SLC44A1: variants seen among roughly 807,000 people sequenced by gnomAD.
The protein encoded by SLC44A1 is choline transporter-like protein 1.
SLC44A1 carries 26 observed loss-of-function variants against 79.3 expected under a neutral mutation model. The ratio of observed to expected loss-of-function variants is 0.33; its 90% CI spans 0.24 to 0.46. SLC44A1 has a LOEUF of 0.46. Among genes scored for constraint, SLC44A1 ranks in the 20% least tolerant of loss-of-function variants. SLC44A1 has a pLI of 1.00. For synonymous variants in SLC44A1, 263 were observed against 286.2 expected (o/e 0.92, Z 0.82); for missense variants, 688 against 798.1 (o/e 0.86, Z 1.66).
intron 4 of SLC44A1, among the ~76,000 whole-genome samples, chr9:105,342,236 A>G (rs895209893): frequency 1.1e-4 from 16 of 152,208 alleles, no homozygotes; most frequent in Admixed American, 2.0e-4. Context: ...TAAGTTTTAC[A>G]TTGTGCACTT....
intron 13 of SLC44A1, among the ~76,000 whole-genome samples, chr9:105,380,750 G>A (rs2131459343): frequency 6.6e-6 from 1 of 152,180 alleles, no homozygotes; most frequent in East Asian, 1.9e-4. Flanking sequence ...ATCCACCATG[G>A]AGATCACTGA....
chr9:105,390,103 G>A lies in SLC44A1; in HGVS notation c.*1047G>A, dbSNP rs1433604857. The A allele has an allele frequency of 1.6e-6, 2 of 1,257,568 alleles. No homozygotes were observed. The highest frequency in any genetic ancestry group is 4.1e-5 in the Admixed American group (1 of 24,492). 77.9% of individuals were successfully genotyped at this position (1,257,568 alleles called of 1,614,324 possible). A position where few individuals can be genotyped will look rare whatever the true frequency, so the allele number is the denominator to read the frequency against. On this transcript the variant is annotated 3_prime_UTR_variant, in exon 16 of 16. Coordinates refer to ENST00000374720, the MANE Select transcript of SLC44A1 (RefSeq NM_080546.5). ...CTTGGCAATTCATTGAGTATCCAGA[G>A]TTCTACGATGTTTAACTGAAGAATT... is the stretch of plus-strand genomic sequence containing the variant.
chr9:105,256,352 A>G (rs1829705987), intron 1 of SLC44A1, among the ~76,000 whole-genome samples: 1 of 152,138 alleles, frequency 6.6e-6, no homozygotes, highest in Non-Finnish European at 1.5e-5. Context: ...GAGACAGAGT[A>G]TCATTTAAGA....
At chr9:105,347,278 G>T (rs945016298) in intron 4 of SLC44A1, among the ~76,000 whole-genome samples, 1 of 151,940 alleles carries the variant, frequency 6.6e-6, no homozygotes, top group East Asian at 1.9e-4. Context: ...CAAATGCAAA[G>T]CTATTCTGTT....
intron 2 of SLC44A1, chr9:105,299,716 G>T (rs1588751756): frequency 1.1e-6 from 1 of 910,494 alleles, no homozygotes; most frequent in Non-Finnish European, 1.3e-6. Flanking sequence ...GTTGCTCACT[G>T]CTCCTTCCTC....
intron 9 of SLC44A1, among the ~76,000 whole-genome samples, chr9:105,363,380 C>G (rs1263335467): frequency 2.0e-5 from 3 of 151,528 alleles, no homozygotes; most frequent in Non-Finnish European, 4.4e-5. Flanking sequence ...CCAGGCTGGT[C>G]TCGAACTCCT....
At chr9:105,350,201 G>A (rs953618272) in intron 5 of SLC44A1, among the ~76,000 whole-genome samples, 2 of 152,160 alleles carry the variant, frequency 1.3e-5, no homozygotes, top group African/African-American at 4.8e-5. Flanking sequence ...GTGCATCACA[G>A]TCTAAGTATG....
chr9:105,432,317 A>G (rs964214156), intron 15 of SLC44A1, among the ~76,000 whole-genome samples: 12 of 152,234 alleles, frequency 7.9e-5, no homozygotes, highest in African/African-American at 2.9e-4. Flanking sequence ...ATAATTAGCC[A>G]GTAGGCCAAT....
intron 15 of SLC44A1, among the ~76,000 whole-genome samples, chr9:105,421,195 C>T (rs1324820170): frequency 3.3e-5 from 5 of 152,090 alleles, no homozygotes; most frequent in Non-Finnish European, 7.4e-5. Flanking sequence ...AAATGGAATG[C>T]ATTAATATTT....
At chr9:105,277,426 C>T (rs1396423432) in intron 1 of SLC44A1, among the ~76,000 whole-genome samples, 1 of 152,176 alleles carries the variant, frequency 6.6e-6, no homozygotes, top group Non-Finnish European at 1.5e-5. Context: ...ATGGCAGGTA[C>T]TCGTGCCTGT....
At chr9:105,252,902 A>G (rs914778404) in intron 1 of SLC44A1, among the ~76,000 whole-genome samples, 2 of 152,134 alleles carry the variant, frequency 1.3e-5, no homozygotes, top group Admixed American at 1.3e-4. Context: ...AAATTTAGTA[A>G]TTTTTTTGGC....
At chr9:105,255,229 A>G (rs983148682) in intron 1 of SLC44A1, among the ~76,000 whole-genome samples, 7 of 152,108 alleles carry the variant, frequency 4.6e-5, no homozygotes, top group African/African-American at 1.7e-4. Context: ...GAAATAAACC[A>G]GTGTGTAAAT....
Position 105,392,573 on chromosome 9 carries a change from G to T in SLC44A1, c.*3517G>T. The T allele has an allele frequency of 1.0e-6, 1 of 985,060 alleles. No homozygotes were observed. Among genetic ancestry groups the T allele is most frequent in the Non-Finnish European group, 1.2e-6 (1 of 829,862 alleles). The allele number at this position is 985,060 out of a possible 1,614,324, so 61.0% of individuals were successfully genotyped here. A position where few individuals can be genotyped will look rare whatever the true frequency, so the allele number is the denominator to read the frequency against. On this transcript the variant is annotated 3_prime_UTR_variant, in exon 16 of 16. Transcript: ENST00000374720. ...ATGAGGCACTGACCCCTTTATTCTG[G>T]ACCCAAACTGCTTTAGAGCAGAGTT...
chr9:105,393,390 TAAA>T lies in SLC44A1; in HGVS notation c.*4338_*4340del, dbSNP rs1296445799. 2.0e-6 allele frequency: 2 copies of T among 985,254 alleles called. No individual in the cohort carries two copies. The highest frequency in any genetic ancestry group is 3.5e-5 in the African/African-American group (2 of 57,328). 61.0% of individuals were successfully genotyped at this position (985,254 alleles called of 1,614,324 possible). On this transcript the variant is annotated 3_prime_UTR_variant, in exon 16 of 16. Coordinates refer to ENST00000374720, the MANE Select transcript of SLC44A1 (RefSeq NM_080546.5). ...AGAGAAAATCTAAAGCTAGCAAACTTAAAAAACAAAACAAAAATTACACGTCGT... is the reference window on the plus strand; with the variant it reads ...AGAGAAAATCTAAAGCTAGCAAACTTAAACAAAACAAAAATTACACGTCGT...
intron 7 of SLC44A1, 94 bp from the exon 8 acceptor site, chr9:105,361,097 A>T (rs187722453): frequency 8.2e-7 from 1 of 1,224,984 alleles, no homozygotes; most frequent in Non-Finnish European, 1.2e-6. Flanking sequence ...TAGTCCCATG[A>T]TGATCTGTAG....
At chr9:105,292,972 G>A (rs114836311) in intron 1 of SLC44A1, among the ~76,000 whole-genome samples, 3,407 of 152,104 alleles carry the variant, frequency 0.022, 118 homozygotes, top group African/African-American at 0.077. Context: ...ACCAACCTGG[G>A]CAACATGGTG....
intron 2 of SLC44A1, among the ~76,000 whole-genome samples, chr9:105,308,802 A>G (rs1227266631): frequency 6.6e-6 from 1 of 152,212 alleles, no homozygotes; most frequent in African/African-American, 2.4e-5. Flanking sequence ...AGATTGCAAG[A>G]ATAGTTCTTA....
chr9:105,388,664 T>A (rs1213677592), intron 15 of SLC44A1, among the ~76,000 whole-genome samples: 1 of 152,230 alleles, frequency 6.6e-6, no homozygotes, highest in African/African-American at 2.4e-5. Flanking sequence ...TGAATTTTTT[T>A]ATGATTCTCT....
chr9:105,387,060 A>AAAAAAATATATATATATATATATAT (rs34780893), intron 15 of SLC44A1, among the ~76,000 whole-genome samples: 3 of 7,730 alleles, frequency 3.9e-4, no homozygotes, highest in Non-Finnish European at 7.1e-4. Context: ...AAAAAAAAAA[A>AAAAAAATATATATATATATATATAT]ATATATATAT....
Sources: allele counts gnomAD v4.1 joint callset (sites outside exome capture counted in the v4.1 genomes callset), GRCh38; gene constraint gnomAD v4.1.1; transcripts MANE v1.5; gene names NCBI Gene and HGNC (gene_info 2026-07-23, HGNC 2026-07-21).